The following WWC2 variants were observed in gnomAD, a reference collection of about 807,000 sequenced individuals.
WWC2 encodes the protein WW and C2 domain containing 2, also known as protein WWC2.
Under a neutral mutation model 138.5 loss-of-function variants are expected in WWC2, and 101 were observed. The observed-to-expected ratio is 0.73, with a 90% CI of 0.62 to 0.86. WWC2 has a LOEUF of 0.86. Among genes scored for constraint, WWC2 ranks in the 40% least tolerant of loss-of-function variants. The pLI, the probability that WWC2 is intolerant of heterozygous loss-of-function variation, is 0.00. For synonymous variants in WWC2, 558 were observed against 538.4 expected (o/e 1.04, Z -0.50); for missense variants, 1,420 against 1,419.4 (o/e 1.00, Z -0.01).
intron 18 of WWC2, among the ~76,000 whole-genome samples, chr4:183,283,225 G>A (rs1391967634): frequency 6.6e-6 from 1 of 152,192 alleles, no homozygotes; most frequent in African/African-American, 2.4e-5. Context: ...AGGGTGTCTT[G>A]TGTCAAGTTC....
chr4:183,224,550 G>GTTTTGT lies in WWC2; in HGVS notation c.522+15536_522+15541dup, dbSNP rs60762915. 9.2e-3 allele frequency among the ~76,000 whole-genome samples: 1,404 copies of GTTTTGT among 151,812 alleles called. 36 individuals are homozygous for GTTTTGT. The highest frequency in any genetic ancestry group is 0.032 in the African/African-American group (1,330 of 41,360). On this transcript the variant is annotated intron_variant, in intron 4 of 22. Transcript: ENST00000403733. ...CCAACAGAGTTGAGGTTTTTGTTTA[G>GTTTTGT]TTTTGTTTTTGTTTTTTGTTTATTT...
chr4:183,199,253 C>G (rs1421101809), intron 2 of WWC2, among the ~76,000 whole-genome samples: 1 of 152,156 alleles, frequency 6.6e-6, no homozygotes, highest in African/African-American at 2.4e-5. Context: ...GGGGTTTTGA[C>G]TGGGGCAGGG....
At chr4:183,116,484 G>A (rs759520323) in intron 1 of WWC2, among the ~76,000 whole-genome samples, 1 of 152,176 alleles carries the variant, frequency 6.6e-6, no homozygotes, top group Non-Finnish European at 1.5e-5. Flanking sequence ...TTGTCTAAGG[G>A]CACAAAGCTG....
intron 1 of WWC2, among the ~76,000 whole-genome samples, chr4:183,110,922 G>A (rs1732209003): frequency 6.6e-6 from 1 of 151,934 alleles, no homozygotes; most frequent in Non-Finnish European, 1.5e-5. Flanking sequence ...ATAGAGATTG[G>A]TGCTACAAAC....
At chr4:183,295,053 T>G (rs764863632) in intron 21 of WWC2, among the ~76,000 whole-genome samples, 6 of 150,914 alleles carry the variant, frequency 4.0e-5, no homozygotes, top group Non-Finnish European at 8.9e-5. Flanking sequence ...AATGAGCCAG[T>G]CAAGAAGTGT....
intron 5 of WWC2, chr4:183,240,642 G>C (rs1736586291): frequency 6.3e-6 from 1 of 158,756 alleles, no homozygotes; most frequent in Non-Finnish European, 1.4e-5. Context: ...CCCTGTGTGA[G>C]CCTGCAGCTG....
intron 21 of WWC2, among the ~76,000 whole-genome samples, chr4:183,297,549 A>G (rs950929215): frequency 2.0e-5 from 3 of 151,886 alleles, no homozygotes; most frequent in Non-Finnish European, 2.9e-5. Flanking sequence ...AGCTGGGACT[A>G]CAGGCGCGCA....
At chr4:183,266,292 T>A (rs765594183) in intron 14 of WWC2, among the ~76,000 whole-genome samples, 6 of 152,226 alleles carry the variant, frequency 3.9e-5, no homozygotes, top group Non-Finnish European at 8.8e-5. Flanking sequence ...TTTAAGGAAT[T>A]TTCTAATCTT....
intron 1 of WWC2, among the ~76,000 whole-genome samples, chr4:183,143,214 G>T (rs1158097360): frequency 6.6e-6 from 1 of 152,064 alleles, no homozygotes; most frequent in African/African-American, 2.4e-5. Flanking sequence ...CTCAAGCATG[G>T]CCTTGGGTCA....
chr4:183,108,637 G>A (rs1267552361), intron 1 of WWC2, among the ~76,000 whole-genome samples: 1 of 151,560 alleles, frequency 6.6e-6, no homozygotes, highest in Non-Finnish European at 1.5e-5. Flanking sequence ...TTGAGACACA[G>A]CCTCACTCTT....
At chr4:183,180,783 A>T (rs1734608712) in intron 1 of WWC2, among the ~76,000 whole-genome samples, 1 of 150,256 alleles carries the variant, frequency 6.7e-6, no homozygotes, top group South Asian at 2.2e-4. Flanking sequence ...AGAAAGGGTA[A>T]ATCTGTAGGG....
At chr4:183,225,255 G>A (rs868216938) in intron 4 of WWC2, among the ~76,000 whole-genome samples, 5 of 152,182 alleles carry the variant, frequency 3.3e-5, no homozygotes, top group Non-Finnish European at 5.9e-5. Flanking sequence ...AATTACAACA[G>A]TGTGATAGTG....
At chr4:183,285,109 G>A (rs140365885) in intron 19 of WWC2, among the ~76,000 whole-genome samples, 96 of 152,214 alleles carry the variant, frequency 6.3e-4, no homozygotes, top group African/African-American at 2.1e-3. Context: ...CCTGTGAATC[G>A]AGCCAGACCA....
In WWC2 at chr4:183,289,486, C is replaced by T. The variant is rs201203992; in HGVS notation, c.3235C>T (p.Arg1079Trp). 60 of 1,613,648 alleles carry T rather than the reference C, an allele frequency of 3.7e-5. No homozygotes were observed. The highest frequency in any genetic ancestry group is 8.9e-5 in the East Asian group (4 of 44,844). Residue 1079 changes from arginine (R) to tryptophan (W), a missense_variant, in exon 21 of 23, where the codon CGG becomes TGG. Coordinates refer to ENST00000403733, the MANE Select transcript of WWC2 (RefSeq NM_024949.6). ...LELDLQASLT[R>W]QSRLNDELQA... The stretch of plus-strand genomic sequence containing the variant: ...ACTGGACCTTCAGGCATCTCTGACC[C>T]GGCAGAGCCGCCTCAATGATGAGCT...
chr4:183,311,787 C>T (rs1019711677), intron 21 of WWC2, among the ~76,000 whole-genome samples: 36 of 152,080 alleles, frequency 2.4e-4, no homozygotes, highest in African/African-American at 8.0e-4. Context: ...CCGTGTTAGC[C>T]AGGATGGTCT....
chr4:183,281,026 G>A (rs900197780), intron 17 of WWC2, 129 bp downstream of exon 17: 5 of 1,337,830 alleles, frequency 3.7e-6, no homozygotes, highest in Non-Finnish European at 4.9e-6. Context: ...AGGAAGCTGT[G>A]CTAGGAAAAG....
At chr4:183,231,932 C>T (rs570264676) in intron 4 of WWC2, among the ~76,000 whole-genome samples, 2 of 152,260 alleles carry the variant, frequency 1.3e-5, no homozygotes, top group Non-Finnish European at 2.9e-5. Context: ...GGAGAATCAG[C>T]GTACATACAG....
At chr4:183,122,649 A>C (rs1732637736) in intron 1 of WWC2, among the ~76,000 whole-genome samples, 1 of 152,016 alleles carries the variant, frequency 6.6e-6, no homozygotes, top group African/African-American at 2.4e-5. Context: ...CCTCCTGAGT[A>C]GCTGGGATTA....
chr4:183,253,410 C>G (rs1737037310), intron 8 of WWC2, among the ~76,000 whole-genome samples: 1 of 152,214 alleles, frequency 6.6e-6, no homozygotes, highest in Non-Finnish European at 1.5e-5. Flanking sequence ...CCTACACAGG[C>G]AGTCACACGT....
Sources: gnomAD v4.1 joint callset for allele counts (sites outside exome capture counted in the v4.1 genomes callset) on GRCh38, gnomAD v4.1.1 for gene constraint, MANE v1.5 for transcripts, NCBI Gene and HGNC (gene_info 2026-07-23, HGNC 2026-07-21) for gene names.